GPHN: variants seen among roughly 807,000 people sequenced by gnomAD.
The protein encoded by GPHN is gephyrin.
GPHN carries 17 observed loss-of-function variants against 95.5 expected under a neutral mutation model. That is an observed-to-expected ratio of 0.18 (90% CI 0.12 to 0.27). The LOEUF (loss-of-function observed/expected upper bound fraction) is 0.27, where lower values mean the gene tolerates loss of function less well. Ranked by LOEUF, GPHN falls within the 10% of genes least tolerant of loss-of-function variation. The probability of loss-of-function intolerance (pLI) is 1.00; values close to 1 mark genes in which losing one functional copy is unlikely to be tolerated. For synonymous variants in GPHN, 320 were observed against 322.5 expected (o/e 0.99, Z 0.08); for missense variants, 660 against 978.1 (o/e 0.67, Z 4.34).
chr14:66,877,583 C>G (rs1395776709), intron 4 of GPHN, among the ~76,000 whole-genome samples: 1 of 152,102 alleles, frequency 6.6e-6, no homozygotes, highest in Non-Finnish European at 1.5e-5. Flanking sequence ...AATTCTTATA[C>G]AACAATAATA....
At chr14:66,937,703 C>T (rs2067206092) in intron 8 of GPHN, among the ~76,000 whole-genome samples, 1 of 152,124 alleles carries the variant, frequency 6.6e-6, no homozygotes, top group African/African-American at 2.4e-5. Flanking sequence ...ACCAGATATC[C>T]TCCTTAAGTT....
chr14:66,757,881 T>C (rs1379324721), intron 2 of GPHN, among the ~76,000 whole-genome samples: 1 of 152,166 alleles, frequency 6.6e-6, no homozygotes, highest in Admixed American at 6.5e-5. Flanking sequence ...TAGGCAGGCA[T>C]GTGGACACTG....
intron 1 of GPHN, among the ~76,000 whole-genome samples, chr14:66,521,358 T>A (rs2058478376): frequency 1.3e-5 from 2 of 151,974 alleles, no homozygotes; most frequent in Admixed American, 6.6e-5. Context: ...AACCAGGAGG[T>A]TGAGGCTTGA....
the GPHN span, among the ~76,000 whole-genome samples, chr14:67,459,367 A>G: frequency 6.6e-6 from 1 of 152,220 alleles, no homozygotes; most frequent in African/African-American, 2.4e-5. Flanking sequence ...CACCCTAACC[A>G]TTAGAGTCTG....
chr14:67,044,255 T>G (rs1029786605), intron 10 of GPHN, among the ~76,000 whole-genome samples: 1 of 152,036 alleles, frequency 6.6e-6, no homozygotes, highest in Admixed American at 6.6e-5. Context: ...GAGAATTGCT[T>G]GAACCCAGGA....
intron 1 of GPHN, among the ~76,000 whole-genome samples, chr14:66,669,705 A>G (rs1047714088): frequency 6.6e-6 from 1 of 151,942 alleles, no homozygotes; most frequent in African/African-American, 2.4e-5. Context: ...TCATTCTAGT[A>G]TTGAGCACAT....
At chr14:67,001,215 T>C (rs1486426627) in intron 9 of GPHN, among the ~76,000 whole-genome samples, 3 of 151,646 alleles carry the variant, frequency 2.0e-5, no homozygotes, top group African/African-American at 7.2e-5. Flanking sequence ...AAAGTACTTA[T>C]GTGAAGTCCA....
intron 1 of GPHN, among the ~76,000 whole-genome samples, chr14:66,540,527 C>A (rs542402581): frequency 3.3e-5 from 5 of 152,282 alleles, no homozygotes; most frequent in Admixed American, 2.0e-4. Context: ...TTCCTTCTGT[C>A]TTCCGTGATA....
At chr14:66,562,204 A>G (rs1353583041) in intron 1 of GPHN, among the ~76,000 whole-genome samples, 2 of 152,100 alleles carry the variant, frequency 1.3e-5, no homozygotes, top group African/African-American at 2.4e-5. Flanking sequence ...GGGTCCTGTA[A>G]ATTAGACTGA....
chr14:67,592,721 G>A, the GPHN span: 7 of 1,570,272 alleles, frequency 4.5e-6, no homozygotes, highest in Admixed American at 1.7e-5. Flanking sequence ...ACCTTCTGCT[G>A]TAAGAAAATA....
chr14:67,199,800 T>C, the GPHN span: 1 of 1,518,694 alleles, frequency 6.6e-7, no homozygotes, highest in Non-Finnish European at 8.9e-7. Context: ...CCACCCCCAG[T>C]GCTGCCTCCT....
intron 5 of GPHN, among the ~76,000 whole-genome samples, chr14:66,881,436 C>T (rs907738637): frequency 6.6e-6 from 1 of 151,734 alleles, no homozygotes; most frequent in Non-Finnish European, 1.5e-5. Flanking sequence ...GCAATAACAT[C>T]AGGAAAGAAT....
chr14:66,963,253 T>C (rs933264644), intron 8 of GPHN, among the ~76,000 whole-genome samples: 12 of 152,124 alleles, frequency 7.9e-5, no homozygotes, highest in African/African-American at 2.6e-4. Flanking sequence ...TTTAAACTTA[T>C]CTTCTCTCTC....
chr14:66,565,567 T>C (rs1260972367), intron 1 of GPHN, among the ~76,000 whole-genome samples: 1 of 152,134 alleles, frequency 6.6e-6, no homozygotes, highest in Non-Finnish European at 1.5e-5. Context: ...CTTAAAGTAC[T>C]GGAATTATAG....
intron 1 of GPHN, among the ~76,000 whole-genome samples, chr14:66,531,655 C>A (rs972363454): frequency 2.0e-5 from 3 of 152,104 alleles, no homozygotes; most frequent in African/African-American, 7.2e-5. Flanking sequence ...ATTGGTCTGA[C>A]CATAGCCTGA....
the GPHN span, among the ~76,000 whole-genome samples, chr14:67,712,694 A>G: frequency 1.3e-5 from 2 of 152,272 alleles, no homozygotes; most frequent in Admixed American, 6.5e-5. Context: ...CTATTTCAGA[A>G]GTACCAAGTA....
intron 9 of GPHN, among the ~76,000 whole-genome samples, chr14:66,991,984 AC>A (rs2071460233): frequency 6.6e-6 from 1 of 152,080 alleles, no homozygotes; most frequent in Non-Finnish European, 1.5e-5. Context: ...TGATTAGTTG[AC>A]GAGCAGTGGG....
intron 5 of GPHN, among the ~76,000 whole-genome samples, chr14:66,892,842 A>G (rs754164500): frequency 3.3e-5 from 5 of 152,226 alleles, no homozygotes; most frequent in Non-Finnish European, 7.3e-5. Flanking sequence ...ATGTGAATGT[A>G]CTTAATGCCA....
intron 2 of GPHN, among the ~76,000 whole-genome samples, chr14:66,749,823 T>A (rs1438425259): frequency 1.3e-5 from 2 of 151,858 alleles, no homozygotes; most frequent in Non-Finnish European, 2.9e-5. Context: ...CAGTGCCTTT[T>A]ACAAAGCAGG....
Sources: gnomAD v4.1 joint callset for allele counts (sites outside exome capture counted in the v4.1 genomes callset) on GRCh38, gnomAD v4.1.1 for gene constraint, MANE v1.5 for transcripts, NCBI Gene and HGNC (gene_info 2026-07-23, HGNC 2026-07-21) for gene names.